Variants in SYT1 observed in about 807,000 individuals in gnomAD.
SYT1 encodes synaptotagmin 1.
SYT1 carries 8 observed loss-of-function variants against 44.8 expected under a neutral mutation model. The observed-to-expected ratio is 0.18, with a 90% CI of 0.10 to 0.32. The LOEUF is 0.32. Among genes scored for constraint, SYT1 ranks in the 10% least tolerant of loss-of-function variants. SYT1 has a pLI of 1.00. For synonymous variants in SYT1, 154 were observed against 188.8 expected (o/e 0.82, Z 1.51); for missense variants, 286 against 509.3 (o/e 0.56, Z 4.22).
intron 1 of SYT1, among the ~76,000 whole-genome samples, chr12:78,949,638 A>G (rs17046084): frequency 0.093 from 14,192 of 152,058 alleles, 955 homozygotes; most frequent in East Asian, 0.3. Flanking sequence ...TATTGCAGAC[A>G]TAAAACTTCC....
chr12:79,399,762 A>T (rs376178457), intron 9 of SYT1, among the ~76,000 whole-genome samples: 1 of 152,190 alleles, frequency 6.6e-6, no homozygotes, highest in Non-Finnish European at 1.5e-5. Context: ...TCCCACTCCC[A>T]GATGTCTGGG....
chr12:79,027,222 G>T (rs774099879), intron 2 of SYT1, among the ~76,000 whole-genome samples: 1 of 151,486 alleles, frequency 6.6e-6, no homozygotes, highest in East Asian at 1.9e-4. Context: ...GGTTTCTGCT[G>T]AAATATCTTT....
intron 1 of SYT1, among the ~76,000 whole-genome samples, chr12:78,913,487 T>C (rs1009085567): frequency 6.6e-6 from 1 of 151,782 alleles, no homozygotes; most frequent in African/African-American, 2.4e-5. Flanking sequence ...TTAAAATCCA[T>C]ACATGCTTCA....
chr12:79,420,484 T>G (rs942543299), intron 9 of SYT1, among the ~76,000 whole-genome samples: 4 of 152,130 alleles, frequency 2.6e-5, no homozygotes, highest in Non-Finnish European at 5.9e-5. Flanking sequence ...CAGTCAGCTC[T>G]GGGCAGTATC....
At chr12:79,176,468 G>T (rs531927818) in intron 3 of SYT1, among the ~76,000 whole-genome samples, 1 of 152,022 alleles carries the variant, frequency 6.6e-6, no homozygotes, top group East Asian at 1.9e-4. Context: ...AAGAGTTATG[G>T]TGTTTTATCT....
At chr12:79,268,576 G>T (rs1193899877) in intron 4 of SYT1, among the ~76,000 whole-genome samples, 1 of 152,182 alleles carries the variant, frequency 6.6e-6, no homozygotes, top group Non-Finnish European at 1.5e-5. Flanking sequence ...CAATTTATCT[G>T]CCCTAAAAAG....
chr12:79,164,333 T>C (rs542391731), intron 3 of SYT1, among the ~76,000 whole-genome samples: 1 of 152,246 alleles, frequency 6.6e-6, no homozygotes, highest in South Asian at 2.1e-4. Context: ...CAACTATTAA[T>C]TCATCTAAAC....
intron 2 of SYT1, among the ~76,000 whole-genome samples, chr12:79,026,864 C>T (rs925141700): frequency 6.6e-6 from 1 of 150,510 alleles, no homozygotes; most frequent in African/African-American, 2.4e-5. Flanking sequence ...TTTCACCTCA[C>T]ACCTATTAGG....
intron 3 of SYT1, among the ~76,000 whole-genome samples, chr12:79,113,547 T>A (rs993155512): frequency 6.6e-6 from 1 of 152,166 alleles, no homozygotes; most frequent in Non-Finnish European, 1.5e-5. Context: ...TACTGTGTAG[T>A]AGCATATTAA....
At chr12:79,179,035 G>GATATAGAT (rs1228676557) in intron 3 of SYT1, among the ~76,000 whole-genome samples, 330 of 16,520 alleles carry the variant, frequency 0.02, 104 homozygotes, top group African/African-American at 0.071. Flanking sequence ...TAGATATATA[G>GATATAGAT]ATATAGATAT....
chr12:79,321,282 T>C (rs1881346005), intron 8 of SYT1, among the ~76,000 whole-genome samples: 1 of 152,210 alleles, frequency 6.6e-6, no homozygotes, highest in Non-Finnish European at 1.5e-5. Context: ...TAATTACTAT[T>C]TTAAAGTTCT....
chr12:79,411,793 A>G (rs1408083685), intron 9 of SYT1, among the ~76,000 whole-genome samples: 1 of 152,052 alleles, frequency 6.6e-6, no homozygotes, highest in Admixed American at 6.6e-5. Context: ...ATGTGTATCT[A>G]TATACTTCTC....
intron 2 of SYT1, among the ~76,000 whole-genome samples, chr12:79,026,695 ATATAT>A (rs1565769752): frequency 2.1e-5 from 3 of 140,160 alleles, no homozygotes; most frequent in African/African-American, 7.9e-5. Flanking sequence ...ATATATATAT[ATATAT>A]ATCACACTTT....
At chr12:79,251,267 T>G (rs991833315) in intron 4 of SYT1, among the ~76,000 whole-genome samples, 1 of 151,888 alleles carries the variant, frequency 6.6e-6, no homozygotes, top group Non-Finnish European at 1.5e-5. Flanking sequence ...TGATTAACAA[T>G]GAGGAAGCAT....
intron 9 of SYT1, among the ~76,000 whole-genome samples, chr12:79,441,051 C>A (rs1254014764): frequency 6.6e-6 from 1 of 152,110 alleles, no homozygotes; most frequent in Non-Finnish European, 1.5e-5. Context: ...GATTGTTGGG[C>A]TAAGAAGATG....
chr12:79,136,042 G>A (rs1869169436), intron 3 of SYT1, among the ~76,000 whole-genome samples: 1 of 152,214 alleles, frequency 6.6e-6, no homozygotes, highest in Non-Finnish European at 1.5e-5. Flanking sequence ...ATGCCTGAAA[G>A]GAGTTGGGTT....
chr12:79,439,613 T>C (rs1296876154), intron 9 of SYT1, among the ~76,000 whole-genome samples: 1 of 152,174 alleles, frequency 6.6e-6, no homozygotes, highest in African/African-American at 2.4e-5. Context: ...CATAAAACCA[T>C]AGTAATAATT....
intron 5 of SYT1, among the ~76,000 whole-genome samples, chr12:79,288,288 T>C (rs1001664469): frequency 1.3e-5 from 2 of 152,054 alleles, no homozygotes; most frequent in African/African-American, 4.8e-5. Context: ...TATTATTAAA[T>C]AATTATATTT....
At chr12:79,307,275 G>C (rs1213734139) in intron 8 of SYT1, among the ~76,000 whole-genome samples, 1 of 152,204 alleles carries the variant, frequency 6.6e-6, no homozygotes, top group Non-Finnish European at 1.5e-5. Flanking sequence ...GAATGCGAGA[G>C]AGAGGAAGCA....
Sources: gnomAD v4.1 joint callset for allele counts (sites outside exome capture counted in the v4.1 genomes callset) on GRCh38, gnomAD v4.1.1 for gene constraint, MANE v1.5 for transcripts, NCBI Gene and HGNC (gene_info 2026-07-23, HGNC 2026-07-21) for gene names.